THSD7A: variants seen among roughly 807,000 people sequenced by gnomAD.
The protein encoded by THSD7A is thrombospondin type-1 domain-containing protein 7A.
THSD7A carries 96 observed loss-of-function variants against 231.3 expected under a neutral mutation model. The observed-to-expected ratio is 0.41, with a 90% CI of 0.35 to 0.49. The LOEUF is 0.49. Ranked by LOEUF, THSD7A falls within the 20% of genes least tolerant of loss-of-function variation. The probability of loss-of-function intolerance (pLI) is 0.05; values close to 1 mark genes in which losing one functional copy is unlikely to be tolerated. For synonymous variants in THSD7A, 940 were observed against 743.3 expected, an observed-to-expected ratio of 1.26 and a Z score of -4.30; for missense variants, 2,290 against 2,070.2, an observed-to-expected ratio of 1.11 and a Z score of -2.06.
At chr7:11,628,400 TG>T (rs1403053456) in intron 2 of THSD7A, among the ~76,000 whole-genome samples, 1 of 152,212 alleles carries the variant, frequency 6.6e-6, no homozygotes, top group Non-Finnish European at 1.5e-5. Flanking sequence ...TTGCTCTTTT[TG>T]TTCCCATATT....
intron 14 of THSD7A, 85 bp from the exon 15 acceptor site, chr7:11,426,756 G>A: frequency 7.2e-7 from 1 of 1,392,414 alleles, no homozygotes; most frequent in Non-Finnish European, 9.6e-7. Flanking sequence ...AGAACACATG[G>A]TAAGTTTCAA....
intron 1 of THSD7A, among the ~76,000 whole-genome samples, chr7:11,661,117 G>A (rs1393990194): frequency 6.6e-6 from 1 of 151,328 alleles, no homozygotes; most frequent in Non-Finnish European, 1.5e-5. Context: ...ACCATGGTAA[G>A]TAACCCAGGC....
At chr7:11,561,700 A>T (rs2354955) in intron 4 of THSD7A, among the ~76,000 whole-genome samples, 66,810 of 151,822 alleles carry the variant, frequency 0.44, 15,192 homozygotes, top group Admixed American at 0.62. Flanking sequence ...CAAAACCCCA[A>T]CTCTACTAAA....
intron 13 of THSD7A, among the ~76,000 whole-genome samples, chr7:11,441,922 G>A (rs1279302537): frequency 6.6e-6 from 1 of 151,966 alleles, no homozygotes; most frequent in Non-Finnish European, 1.5e-5. Flanking sequence ...CATGGCGTAT[G>A]TATACCTATG....
intron 2 of THSD7A, among the ~76,000 whole-genome samples, chr7:11,633,539 A>G (rs1458755016): frequency 6.6e-6 from 1 of 152,126 alleles, no homozygotes; most frequent in Non-Finnish European, 1.5e-5. Context: ...AGTTCAGGCT[A>G]CTCTTAGAGA....
intron 1 of THSD7A, among the ~76,000 whole-genome samples, chr7:11,691,193 T>G (rs1445672252): frequency 4.6e-5 from 7 of 151,524 alleles, no homozygotes; most frequent in Non-Finnish European, 8.9e-5. Flanking sequence ...AAGTCTAGTG[T>G]TAGGATACTA....
intron 1 of THSD7A, among the ~76,000 whole-genome samples, chr7:11,692,109 C>A (rs182143664): frequency 6.6e-6 from 1 of 151,308 alleles, no homozygotes; most frequent in Non-Finnish European, 1.5e-5. Context: ...TCCAAAGGTT[C>A]CAGCTCAATA....
At chr7:11,562,057 TAA>T (rs1034071809) in intron 4 of THSD7A, among the ~76,000 whole-genome samples, 1 of 152,174 alleles carries the variant, frequency 6.6e-6, no homozygotes, top group African/African-American at 2.4e-5. Context: ...TAGAATGATA[TAA>T]GTTTTCAAAA....
chr7:11,808,085 G>C (rs1784442551), intron 1 of THSD7A, among the ~76,000 whole-genome samples: 1 of 152,062 alleles, frequency 6.6e-6, no homozygotes, highest in African/African-American at 2.4e-5. Flanking sequence ...CTCTGTGAAA[G>C]TCTCCTCCAT....
chr7:11,469,233 G>A (rs911705937), intron 9 of THSD7A, among the ~76,000 whole-genome samples: 2 of 152,122 alleles, frequency 1.3e-5, no homozygotes, highest in African/African-American at 2.4e-5. Context: ...TAAGTCACCT[G>A]GAGGATGTTG....
intron 1 of THSD7A, among the ~76,000 whole-genome samples, chr7:11,672,066 A>G (rs1251826093): frequency 6.6e-6 from 1 of 152,166 alleles, no homozygotes; most frequent in Admixed American, 6.6e-5. Context: ...ACTTTTATAA[A>G]CTTAACTCTT....
In THSD7A at chr7:11,590,154, G is replaced by A. The variant is rs949850632; in HGVS notation, c.1453+306C>T. ...TTTGCATGATATGTGTATATTTACA[G>A]ATAAATTTTCGTCTAGTTTTTACAT... On this transcript the variant is annotated intron_variant, in intron 4 of 27. Coordinates refer to ENST00000423059, the MANE Select transcript of THSD7A (RefSeq NM_015204.3). This position sits in a 1 kb window ranked among gnomAD's most constrained non-coding sequence, Gnocchi z 4.4. Among the ~76,000 whole-genome samples, 4 of 152,140 alleles carry A rather than the reference G, an allele frequency of 2.6e-5. No homozygotes were observed. Among genetic ancestry groups the A allele is most frequent in the African/African-American group, 9.7e-5 (4 of 41,434 alleles).
At chr7:11,657,992 A>G (rs78321930) in intron 1 of THSD7A, among the ~76,000 whole-genome samples, 9,765 of 151,764 alleles carry the variant, frequency 0.064, 347 homozygotes, top group East Asian at 0.13. Context: ...GAACACTCAG[A>G]AAGTGACAGC....
At chr7:11,496,164 G>T (rs1435130455) in intron 6 of THSD7A, among the ~76,000 whole-genome samples, 1 of 152,072 alleles carries the variant, frequency 6.6e-6, no homozygotes, top group Non-Finnish European at 1.5e-5. Flanking sequence ...TTATGTGCCA[G>T]GCATTAAGTG....
chr7:11,545,605 C>A lies in THSD7A; in HGVS notation c.1454-2488G>T, dbSNP rs565001681. ...AACTCTGCACTGGGCTACTGAGCAT[C>A]AAGATCCATTCCTGGCCCTGAGGGG... On this transcript the variant is annotated intron_variant, in intron 4 of 27. Transcript: ENST00000423059. 1.9e-4 allele frequency among the ~76,000 whole-genome samples: 29 copies of A among 152,238 alleles called. No homozygotes were observed. The East Asian group carries it at 3.7e-3, about 19-fold the overall frequency.
intron 1 of THSD7A, among the ~76,000 whole-genome samples, chr7:11,763,132 T>A (rs10276715): frequency 0.21 from 32,298 of 152,026 alleles, 4,763 homozygotes; most frequent in African/African-American, 0.42. Context: ...GCCATAGCAC[T>A]AAAGGCCATT....
chr7:11,391,256 C>G (rs1782969564), intron 23 of THSD7A, among the ~76,000 whole-genome samples: 1 of 152,198 alleles, frequency 6.6e-6, no homozygotes, highest in Middle Eastern at 3.2e-3. Flanking sequence ...CTATTAGCCC[C>G]TGACTGGGGC....
At chr7:11,623,799 A>G (rs1195830735) in intron 2 of THSD7A, among the ~76,000 whole-genome samples, 1 of 152,156 alleles carries the variant, frequency 6.6e-6, no homozygotes, top group Non-Finnish European at 1.5e-5. Context: ...GTATCATGAA[A>G]GGTTAGAACA....
At chr7:11,745,720 G>GT (rs1285636122) in intron 1 of THSD7A, among the ~76,000 whole-genome samples, 5 of 152,000 alleles carry the variant, frequency 3.3e-5, no homozygotes, top group African/African-American at 7.2e-5. Flanking sequence ...CCCATTGCTT[G>GT]TTTTTCTCAG....
Sources: gnomAD v4.1 joint callset for allele counts (sites outside exome capture counted in the v4.1 genomes callset) on GRCh38, gnomAD v4.1.1 for gene constraint, Gnocchi (gnomAD v3.1) non-coding constraint, MANE v1.5 for transcripts, NCBI Gene and HGNC (gene_info 2026-07-23, HGNC 2026-07-21) for gene names.